Variants in BAZ2B observed in about 807,000 individuals in gnomAD.
BAZ2B encodes bromodomain adjacent to zinc finger domain protein 2B.
BAZ2B carries 91 observed loss-of-function variants against 246.0 expected under a neutral mutation model. The observed-to-expected ratio is 0.37, with a 90% CI of 0.31 to 0.44. BAZ2B has a LOEUF of 0.44. Among genes scored for constraint, BAZ2B ranks in the 20% least tolerant of loss-of-function variants. The pLI is 1.00. For missense variants in BAZ2B, 2,332 were observed against 2,533.7 expected, an observed-to-expected ratio of 0.92 and a Z score of 1.71; for synonymous variants, 855 against 860.0, an observed-to-expected ratio of 0.99 and a Z score of 0.10.
the BAZ2B span, among the ~76,000 whole-genome samples, chr2:159,640,074 TA>T: frequency 6.6e-6 from 1 of 151,958 alleles, no homozygotes; most frequent in Non-Finnish European, 1.5e-5. Flanking sequence ...ATAGACAAAA[TA>T]GATTTCAAAA....
chr2:159,469,339 C>T (rs189442173), intron 3 of BAZ2B, among the ~76,000 whole-genome samples: 3 of 152,122 alleles, frequency 2.0e-5, no homozygotes, highest in Admixed American at 1.3e-4. Flanking sequence ...ATGATGTAGA[C>T]GAAATGAACG....
At chr2:159,415,301 C>T (rs188021852) in intron 13 of BAZ2B, among the ~76,000 whole-genome samples, 4 of 151,966 alleles carry the variant, frequency 2.6e-5, no homozygotes, top group Admixed American at 1.3e-4. Flanking sequence ...AAAAATTAGC[C>T]GGGCGTGGTG....
At chr2:159,577,908 G>A (rs1685739106) in intron 1 of BAZ2B, among the ~76,000 whole-genome samples, 1 of 152,078 alleles carries the variant, frequency 6.6e-6, no homozygotes, top group Non-Finnish European at 1.5e-5. Context: ...AAAAGAACTA[G>A]TTCATTTATG....
chr2:159,377,833 A>C (rs1433691010), intron 25 of BAZ2B, among the ~76,000 whole-genome samples: 1 of 148,918 alleles, frequency 6.7e-6, no homozygotes, highest in Non-Finnish European at 1.5e-5. Context: ...AAAAAAAAGA[A>C]GTGAAATACT....
At chr2:159,551,394 G>A (rs957071829) in intron 2 of BAZ2B, among the ~76,000 whole-genome samples, 4 of 149,434 alleles carry the variant, frequency 2.7e-5, no homozygotes, top group Admixed American at 1.3e-4. Flanking sequence ...GTGTGAACCC[G>A]GGAGGTGAAC....
intron 8 of BAZ2B, chr2:159,435,354 GT>G: frequency 6.8e-6 from 1 of 146,356 alleles, no homozygotes; most frequent in Non-Finnish European, 1.5e-5. Context: ...TAATGTTTTT[GT>G]TTTTTTTAGT....
rs2058253738 is a variant in BAZ2B, at chr2:159,348,832, T to C, written c.5139A>G (p.Glu1713=). Residue 1713 remains glutamate (E), a splice_region_variant and synonymous_variant, in exon 30 of 37, where the codon GAA becomes GAG. Coordinates refer to ENST00000392783, the MANE Select transcript of BAZ2B (RefSeq NM_013450.4). ...DFPSPKPIPE[E]MQFGWWRIID... Reference sequence around the variant, plus strand: ...TAATTCTCCACCAACCAAACTGCATTTCTAAGTCAAGATAAATAAGTAGAA... The same window carrying C: ...TAATTCTCCACCAACCAAACTGCATCTCTAAGTCAAGATAAATAAGTAGAA... 6.3e-7 allele frequency: 1 copy of C among 1,589,130 alleles called. No individual in the cohort carries two copies. Among genetic ancestry groups the C allele is most frequent in the South Asian group, 1.2e-5 (1 of 85,800 alleles).
At chr2:159,395,931 G>A (rs2063957077) in intron 19 of BAZ2B, 97 bp from the exon 20 acceptor site, 1 of 1,048,336 alleles carries the variant, frequency 9.5e-7, no homozygotes, top group Non-Finnish European at 1.4e-6. Flanking sequence ...CAAAAACTCA[G>A]TATAGCATGT....
chr2:159,382,649 ATCG>A lies in BAZ2B; in HGVS notation c.3912_3914del (p.Asp1306del). On this transcript the variant is annotated inframe_deletion, in exon 25 of 37. Coordinates refer to ENST00000392783, the MANE Select transcript of BAZ2B (RefSeq NM_013450.4). Reference sequence around the variant, plus strand: ...CTTCATCCCCTTGGTCATCACTGTCATCGTCATCATCATCGTCATAATCACTGT... The same window carrying A: ...CTTCATCCCCTTGGTCATCACTGTCATCATCATCATCGTCATAATCACTGT... 1 of 1,591,868 alleles carries A rather than the reference ATCG, an allele frequency of 6.3e-7. No individual in the cohort carries two copies. Among genetic ancestry groups the A allele is most frequent in the Non-Finnish European group, 8.6e-7 (1 of 1,166,754 alleles).
chr2:159,384,664 TA>T (rs2149525382), intron 23 of BAZ2B, among the ~76,000 whole-genome samples: 1 of 152,164 alleles, frequency 6.6e-6, no homozygotes, highest in African/African-American at 2.4e-5. Context: ...TCAAATGCTT[TA>T]AAAAAGTATA....
intron 25 of BAZ2B, among the ~76,000 whole-genome samples, chr2:159,378,471 T>G (rs1177097933): frequency 6.6e-6 from 1 of 152,092 alleles, no homozygotes; most frequent in Non-Finnish European, 1.5e-5. Flanking sequence ...TATATCAAAT[T>G]AAAGTGCTTC....
chr2:159,350,197 T>G lies in BAZ2B; in HGVS notation c.4374A>C (p.Leu1458=). 6.2e-7 allele frequency: 1 copy of G among 1,614,064 alleles called. No individual in the cohort carries two copies. The highest frequency in any genetic ancestry group is 1.1e-5 in the South Asian group (1 of 91,088). Residue 1458 remains leucine (L), a synonymous_variant, in exon 28 of 37, where the codon CTA becomes CTC. Transcript: ENST00000392783. The part of the protein sequence containing the change: ...EDLKEKDNTN[L]FLQKPGSFSK... ...AAAAAGAGCCAGGTTTCTGAAGGAA[T>G]AGATTTGTGTTATCTTTTTCTTTAA...
chr2:159,586,705 C>T (rs2151668579), intron 1 of BAZ2B, among the ~76,000 whole-genome samples: 1 of 152,008 alleles, frequency 6.6e-6, no homozygotes, highest in South Asian at 2.1e-4. Context: ...CCTGTCCCTA[C>T]TTAAAAATAA....
intron 15 of BAZ2B, 53 bp downstream of exon 15, chr2:159,404,969 A>T (rs1320624243): frequency 1.7e-5 from 27 of 1,611,070 alleles, no homozygotes; most frequent in Non-Finnish European, 2.3e-5. Context: ...GAAAACTCTT[A>T]TGAATTCCCC....
intron 16 of BAZ2B, among the ~76,000 whole-genome samples, chr2:159,401,186 A>G (rs566354616): frequency 1.3e-5 from 2 of 152,388 alleles, no homozygotes; most frequent in South Asian, 4.1e-4. Flanking sequence ...TGCAAATGCT[A>G]AATAAACAGA....
intron 21 of BAZ2B, among the ~76,000 whole-genome samples, chr2:159,388,283 C>T (rs1193303886): frequency 1.3e-5 from 2 of 151,858 alleles, no homozygotes; most frequent in African/African-American, 4.8e-5. Context: ...CTAGAAGTAC[C>T]ATCTTCTTAA....
In BAZ2B at chr2:159,427,851, G is replaced by GCTTTA. The variant is rs2070269394; in HGVS notation, c.2466+89_2466+90insTAAAG. On this transcript the variant is annotated intron_variant, in intron 13 of 36. Coordinates refer to ENST00000392783, the MANE Select transcript of BAZ2B (RefSeq NM_013450.4). ...AGCCATATGAACTAATTAAAGAAAG[G>GCTTTA]CAATGCTCCAGAGTGTAGTGAAATT... 4.0e-6 allele frequency: 4 copies of GCTTTA among 1,001,496 alleles called. No individual in the cohort carries two copies. The Middle Eastern group carries it at 6.4e-4, about 161-fold the overall frequency. 62.0% of individuals were successfully genotyped at this position (1,001,496 alleles called of 1,614,324 possible). A position where few individuals can be genotyped will look rare whatever the true frequency, so the allele number is the denominator to read the frequency against.
intron 2 of BAZ2B, among the ~76,000 whole-genome samples, chr2:159,532,773 G>T (rs1411063422): frequency 2.6e-5 from 4 of 152,124 alleles, no homozygotes; most frequent in Non-Finnish European, 5.9e-5. Context: ...GATGTCAAAT[G>T]ATTACACATG....
At chr2:159,632,313 G>A in the BAZ2B span, among the ~76,000 whole-genome samples, 3 of 152,084 alleles carry the variant, frequency 2.0e-5, no homozygotes, top group South Asian at 2.1e-4. Flanking sequence ...AGCACTACAG[G>A]GGCATCAATG....
Sources: allele counts gnomAD v4.1 joint callset (sites outside exome capture counted in the v4.1 genomes callset), GRCh38; gene constraint gnomAD v4.1.1; transcripts MANE v1.5; gene names NCBI Gene and HGNC (gene_info 2026-07-23, HGNC 2026-07-21).